The following DBNL variants were observed in gnomAD, a reference collection of about 807,000 sequenced individuals.
DBNL encodes the protein drebrin-like protein.
In DBNL, 35 loss-of-function variants were observed where a neutral mutation model predicts 62.2. That is an observed-to-expected ratio of 0.56 (90% CI 0.43 to 0.75). The LOEUF is 0.75. Ranked by LOEUF, DBNL falls within the 30% of genes least tolerant of loss-of-function variation. DBNL has a pLI of 0.00. For synonymous variants in DBNL, 197 were observed against 218.0 expected (o/e 0.90, Z 0.85); for missense variants, 495 against 578.4 (o/e 0.86, Z 1.48).
intron 3 of DBNL, among the ~76,000 whole-genome samples, chr7:44,052,199 G>T (rs1247618892): frequency 6.6e-6 from 1 of 152,146 alleles, no homozygotes; most frequent in Non-Finnish European, 1.5e-5. Context: ...GTCACAGGGA[G>T]TCCTTGCTCC....
Position 44,064,965 on chromosome 7 carries a change from C to G in DBNL, c.*4049C>G. On this transcript the variant is annotated 3_prime_UTR_variant, in exon 13 of 13. Coordinates refer to ENST00000448521, the MANE Select transcript of DBNL (RefSeq NM_001014436.3). The stretch of plus-strand genomic sequence containing the variant: ...CCCGGGCAATGGTGTCCTTGAGGCT[C>G]TCGCAGGTGGGGAGTTCCCCGGGCT... 6.2e-7 allele frequency: 1 copy of G among 1,608,162 alleles called. No homozygotes were observed. The highest frequency in any genetic ancestry group is 8.5e-7 in the Non-Finnish European group (1 of 1,179,694).
chr7:44,060,022 G>GT lies in DBNL; in HGVS notation c.1048-25dup. 2.5e-6 allele frequency: 4 copies of GT among 1,605,798 alleles called. No individual in the cohort carries two copies. Among genetic ancestry groups the GT allele is most frequent in the Non-Finnish European group, 3.4e-6 (4 of 1,173,984 alleles). Reference sequence around the variant, plus strand: ...ATTGTGTGTAAGGGCTGAGTCTGGGGTAACACCTTTGTCATCCCTGGGCAG... The same window carrying GT: ...ATTGTGTGTAAGGGCTGAGTCTGGGGTTAACACCTTTGTCATCCCTGGGCAG... On this transcript the variant is annotated intron_variant, in intron 11 of 12. Transcript: ENST00000448521. This position sits in a 1 kb window ranked among gnomAD's most constrained non-coding sequence, Gnocchi z 6.3.
intron 2 of DBNL, chr7:44,050,563 C>T (rs1301291278): frequency 8.7e-6 from 3 of 343,218 alleles, no homozygotes; most frequent in African/African-American, 4.2e-5. Context: ...TTGGGAGCTG[C>T]GGTGGGAAGC....
chr7:44,063,365 A>C lies in DBNL; in HGVS notation c.*2449A>C. The C allele has an allele frequency of 4.1e-6, 1 of 243,706 alleles. No homozygotes were observed. The highest frequency in any genetic ancestry group is 8.2e-6 in the Non-Finnish European group (1 of 122,086). The allele number at this position is 243,706 out of a possible 1,614,324, so 15.1% of individuals were successfully genotyped here. A position where few individuals can be genotyped will look rare whatever the true frequency, so the allele number is the denominator to read the frequency against. ...AGTGGCACGATCTTGGCTCACTGCA[A>C]CCTCCATCTCCTGGGTTGAAGTGAT... On this transcript the variant is annotated 3_prime_UTR_variant, in exon 13 of 13. Coordinates refer to ENST00000448521, the MANE Select transcript of DBNL (RefSeq NM_001014436.3).
chr7:44,053,204 G>A (rs1013299521), intron 4 of DBNL, among the ~76,000 whole-genome samples: 3 of 152,196 alleles, frequency 2.0e-5, no homozygotes, highest in South Asian at 2.1e-4. Flanking sequence ...AGCTGGTGCC[G>A]TGAGAAGGGT....
rs147831307 is a variant in DBNL, at chr7:44,052,884, C to T, written c.270C>T (p.Asn90=). Reference sequence around the variant, plus strand: ...TGTTGCAGACAGGCGAGGGCGTGAACGATGTGCGGAAGGGAGCCTGTGCCA... The same window carrying T: ...TGTTGCAGACAGGCGAGGGCGTGAATGATGTGCGGAAGGGAGCCTGTGCCA... ...VLINWTGEGV[N]DVRKGACASH... Residue 90 remains asparagine, a synonymous_variant, in exon 4 of 13, where the codon AAC becomes AAT. Coordinates refer to ENST00000448521, the MANE Select transcript of DBNL (RefSeq NM_001014436.3). The T allele has an allele frequency of 5.9e-5, 96 of 1,613,708 alleles. No individual in the cohort carries two copies. Among genetic ancestry groups the T allele is most frequent in the Middle Eastern group, 1.6e-4 (1 of 6,084 alleles).
Position 44,060,438 on chromosome 7 carries a change from G to T in DBNL, c.1153+285G>T, listed in dbSNP as rs557839591. 6.6e-5 allele frequency among the ~76,000 whole-genome samples: 10 copies of T among 152,264 alleles called. No homozygotes were observed. The South Asian group carries it at 2.1e-3, about 32-fold the overall frequency. The stretch of plus-strand genomic sequence containing the variant: ...GTCACAGAACATGGACTCTGAGCAG[G>T]GAGGTGGGCCAGGCCTGGATGCTGG... On this transcript the variant is annotated intron_variant, in intron 12 of 12. Transcript: ENST00000448521. This position sits in a 1 kb window ranked among gnomAD's most constrained non-coding sequence, Gnocchi z 6.3.
intron 5 of DBNL, 80 bp downstream of exon 5, chr7:44,056,983 A>C: frequency 6.3e-7 from 1 of 1,581,552 alleles, no homozygotes; most frequent in South Asian, 1.1e-5. Flanking sequence ...ACTTCCCAGC[A>C]CCCGGGCTGG....
At chr7:44,047,841 G>A (rs1262362447) in intron 1 of DBNL, among the ~76,000 whole-genome samples, 2 of 151,398 alleles carry the variant, frequency 1.3e-5, no homozygotes, top group Non-Finnish European at 2.9e-5. Context: ...CTGGGGTAGA[G>A]AGGGATCAAG....
chr7:44,045,019 C>G (rs2096114404), intron 1 of DBNL, among the ~76,000 whole-genome samples, 199 bp downstream of exon 1: 1 of 152,206 alleles, frequency 6.6e-6, no homozygotes, highest in African/African-American at 2.4e-5. Flanking sequence ...CCCCGCCGAT[C>G]GTGGACAGGT....
At position 44,061,548 on chromosome 7, in the gene DBNL, C is replaced by T. The variant is rs772371563; in HGVS notation, c.*632C>T. On this transcript the variant is annotated 3_prime_UTR_variant, in exon 13 of 13. Transcript: ENST00000448521. Reference sequence around the variant, plus strand: ...GGGTATTCAAAAACGGCAGACACAACATGTTCCTCCACGCGGCTCACTCGA... The same window carrying T: ...GGGTATTCAAAAACGGCAGACACAATATGTTCCTCCACGCGGCTCACTCGA... 1.3e-5 allele frequency: 2 copies of T among 153,784 alleles called. No individual in the cohort carries two copies. The highest frequency in any genetic ancestry group is 2.9e-5 in the Non-Finnish European group (2 of 68,850). The allele number at this position is 153,784 out of a possible 1,614,324, so 9.5% of individuals were successfully genotyped here.
chr7:44,060,039 C>A lies in DBNL; in HGVS notation c.1048-9C>A. ...AGTCTGGGGTAACACCTTTGTCATC[C>A]CTGGGCAGGTGCAGCAGCAAGGTGC... is the stretch of plus-strand genomic sequence containing the variant. On this transcript the variant is annotated splice_polypyrimidine_tract_variant and intron_variant, in intron 11 of 12. Coordinates refer to ENST00000448521, the MANE Select transcript of DBNL (RefSeq NM_001014436.3). This position sits in a 1 kb window ranked among gnomAD's most constrained non-coding sequence, Gnocchi z 6.3. 1 of 1,612,030 alleles carries A rather than the reference C, an allele frequency of 6.2e-7. No individual in the cohort carries two copies. The highest frequency in any genetic ancestry group is 2.2e-5 in the East Asian group (1 of 44,782).
chr7:44,058,771 A>T, intron 8 of DBNL, 131 bp from the exon 9 acceptor site: 1 of 1,003,014 alleles, frequency 1.0e-6, no homozygotes, highest in South Asian at 1.5e-5. Flanking sequence ...CTCTCCTGAG[A>T]ACATGTTTTG....
chr7:44,055,386 G>A (rs1229134519), intron 4 of DBNL, among the ~76,000 whole-genome samples: 1 of 152,156 alleles, frequency 6.6e-6, no homozygotes, highest in Non-Finnish European at 1.5e-5. Context: ...AGAATCTCTT[G>A]AACCTGGGAG....
Position 44,059,508 on chromosome 7 carries a change from G to A in DBNL, c.932-35G>A. 6.2e-7 allele frequency: 1 copy of A among 1,613,458 alleles called. No individual in the cohort carries two copies. The highest frequency in any genetic ancestry group is 8.5e-7 in the Non-Finnish European group (1 of 1,179,662). On this transcript the variant is annotated intron_variant, in intron 10 of 12. Coordinates refer to ENST00000448521, the MANE Select transcript of DBNL (RefSeq NM_001014436.3). This position sits in a 1 kb window ranked among gnomAD's most constrained non-coding sequence, Gnocchi z 4.1. ...GGACAGCAGTGGAGAAGGGGGATGT[G>A]TGGGAGTGAGAACCTGCTGTGTTCC...
rs762986890 is a variant in DBNL at position 44,060,917 on chromosome 7, G to A, written c.*1G>A. 16 of 1,613,572 alleles carry A rather than the reference G, an allele frequency of 9.9e-6. No homozygotes were observed. The highest frequency in any genetic ancestry group is 1.3e-5 in the Non-Finnish European group (15 of 1,179,726). ...CAACTACGTGGAGCTCATTGAGTGA[G>A]GCTGAGGGCACATCTTGCCCTTCCC... On this transcript the variant is annotated 3_prime_UTR_variant, in exon 13 of 13. Transcript: ENST00000448521. This position sits in a 1 kb window ranked among gnomAD's most constrained non-coding sequence, Gnocchi z 6.3.
Position 44,051,331 on chromosome 7 carries a change from C to T in DBNL, c.140-499C>T, listed in dbSNP as rs140358108. On this transcript the variant is annotated intron_variant, in intron 2 of 12. Coordinates refer to ENST00000448521, the MANE Select transcript of DBNL (RefSeq NM_001014436.3). ...TGGAGTCTGAGGACTGAGCCAGTTA[C>T]GCCACTGCAGGATGTTCAATCTGGT... The T allele has an allele frequency of 9.1e-4, 145 of 158,784 alleles. 1 individual carries two copies. Among genetic ancestry groups the T allele is most frequent in the Admixed American group, 6.1e-3 (99 of 16,322 alleles). 9.8% of individuals were successfully genotyped at this position (158,784 alleles called of 1,614,324 possible).
rs928989292 is a variant in DBNL at position 44,064,725 on chromosome 7, C to T, written c.*3809C>T. ...CCTTTTTCAGTGAATGATGTGGAGCCCCACGCCTAGAAAGCCTGGTCCATG... is the reference window on the plus strand; with the variant it reads ...CCTTTTTCAGTGAATGATGTGGAGCTCCACGCCTAGAAAGCCTGGTCCATG... On this transcript the variant is annotated 3_prime_UTR_variant, in exon 13 of 13. Transcript: ENST00000448521. The T allele has an allele frequency of 9.2e-6, 9 of 976,754 alleles. No individual in the cohort carries two copies. The highest frequency in any genetic ancestry group is 3.2e-5 in the African/African-American group (2 of 62,156). 60.5% of individuals were successfully genotyped at this position (976,754 alleles called of 1,614,324 possible).
rs1175393509 is a variant in DBNL at position 44,065,622 on chromosome 7, C to T, written c.*4706C>T. The T allele has an allele frequency of 4.2e-5, 52 of 1,232,150 alleles. 1 individual carries two copies. The Admixed American group carries it at 8.1e-4, about 19-fold the overall frequency. 76.3% of individuals were successfully genotyped at this position (1,232,150 alleles called of 1,614,324 possible). A position where few individuals can be genotyped will look rare whatever the true frequency, so the allele number is the denominator to read the frequency against. On this transcript the variant is annotated 3_prime_UTR_variant, in exon 13 of 13. Coordinates refer to ENST00000448521, the MANE Select transcript of DBNL (RefSeq NM_001014436.3). ...ATAGTGTCTTCCCAGCCCCCACCCA[C>T]CCCAGCCAACTGCCAATCAGCATTC...
Sources: gnomAD v4.1 joint callset for allele counts (sites outside exome capture counted in the v4.1 genomes callset) on GRCh38, gnomAD v4.1.1 for gene constraint, Gnocchi (gnomAD v3.1) non-coding constraint, MANE v1.5 for transcripts, NCBI Gene and HGNC (gene_info 2026-07-23, HGNC 2026-07-21) for gene names.